Variants in ERICH2 observed in about 807,000 individuals in gnomAD.
The protein encoded by ERICH2 is glutamate-rich protein 2.
ERICH2 carries 17 observed loss-of-function variants against 17.4 expected under a neutral mutation model. That is an observed-to-expected ratio of 0.98 (90% CI 0.67 to 1.47). ERICH2 has a LOEUF of 1.47. Among genes scored for constraint, ERICH2 ranks in the 40% most tolerant of loss-of-function variants. The pLI is 0.00. For synonymous variants in ERICH2, 51 were observed against 61.1 expected (o/e 0.83, Z 0.77); for missense variants, 186 against 183.2 (o/e 1.01, Z -0.09).
chr2:170,775,063 G>A, the ERICH2 span, among the ~76,000 whole-genome samples: 2 of 152,062 alleles, frequency 1.3e-5, no homozygotes, highest in East Asian at 1.9e-4. Flanking sequence ...TTATGTGCAC[G>A]AATGTTTCAT....
At chr2:170,796,625 C>T (rs1030178640) in intron 3 of ERICH2, among the ~76,000 whole-genome samples, 8 of 151,858 alleles carry the variant, frequency 5.3e-5, no homozygotes, top group African/African-American at 1.9e-4. Context: ...TTTGTAGAGA[C>T]AGGGTTTCAG....
chr2:170,774,757 A>C, the ERICH2 span, among the ~76,000 whole-genome samples: 1 of 151,282 alleles, frequency 6.6e-6, no homozygotes, highest in South Asian at 2.1e-4. Flanking sequence ...TGATATTTTT[A>C]GTAGAGACGG....
At chr2:170,770,428 G>C in the ERICH2 span, among the ~76,000 whole-genome samples, 1 of 152,150 alleles carries the variant, frequency 6.6e-6, no homozygotes, top group Non-Finnish European at 1.5e-5. Context: ...TGCTCTAGCT[G>C]GGGGAGAGCC....
upstream of ERICH2, chr2:170,783,301 T>G (rs534771132): frequency 1.0e-4 from 16 of 153,704 alleles, no homozygotes; most frequent in African/African-American, 3.8e-4. Flanking sequence ...ACAAACACTG[T>G]AAACTTAGCA....
At chr2:170,785,141 A>G (rs1701127637) in intron 2 of ERICH2, among the ~76,000 whole-genome samples, 1 of 152,166 alleles carries the variant, frequency 6.6e-6, no homozygotes, top group Middle Eastern at 3.2e-3. Flanking sequence ...TCCCAGCACA[A>G]AGAAAAGATA....
At position 170,784,935 on chromosome 2, in the gene ERICH2, C is replaced by A. The variant is rs188125878; in HGVS notation, c.216+102C>A. 5.8e-5 allele frequency: 55 copies of A among 953,694 alleles called. No individual in the cohort carries two copies. In the African/African-American group the frequency reaches 6.9e-4, roughly 12 times the overall value. 59.1% of individuals were successfully genotyped at this position (953,694 alleles called of 1,614,324 possible). On this transcript the variant is annotated intron_variant, in intron 2 of 4. Transcript: ENST00000409885. ...TACTGTGAGAACTAAAAAAGTAGATCTCATGGAGGCAGAACATAGAATGGT... is the reference window on the plus strand; with the variant it reads ...TACTGTGAGAACTAAAAAAGTAGATATCATGGAGGCAGAACATAGAATGGT...
chr2:170,772,980 A>G, the ERICH2 span, among the ~76,000 whole-genome samples: 1 of 152,362 alleles, frequency 6.6e-6, no homozygotes, highest in Non-Finnish European at 1.5e-5. Flanking sequence ...CTGAATTTTA[A>G]ATGTTGGTAA....
chr2:170,797,902 C>A, intron 3 of ERICH2, 139 bp from the exon 9 acceptor site: 1 of 594,540 alleles, frequency 1.7e-6, no homozygotes, highest in Non-Finnish European at 3.0e-6. Context: ...TCAGATATAC[C>A]TGTGGTATAA....
chr2:170,798,475 C>T (rs534856776), intron 4 of ERICH2, among the ~76,000 whole-genome samples: 1 of 152,064 alleles, frequency 6.6e-6, no homozygotes, highest in South Asian at 2.1e-4. Context: ...TTACTATTGT[C>T]AATAAAATTC....
chr2:170,783,528 G>A (rs551509535), upstream of ERICH2, among the ~76,000 whole-genome samples: 10 of 152,246 alleles, frequency 6.6e-5, no homozygotes, highest in Admixed American at 1.3e-4. Flanking sequence ...CAGCCTGGGC[G>A]ACAGAGTGAG....
chr2:170,798,883 G>A, exon 5 of ERICH2: 1 of 1,550,594 alleles, frequency 6.4e-7, no homozygotes, highest in South Asian at 1.2e-5. Context: ...CGAAGGTGAA[G>A]ATGGATCATG....
intron 1 of ERICH2, 105 bp from the exon 7 acceptor site, chr2:170,784,541 A>AC: frequency 1.8e-6 from 1 of 549,670 alleles, no homozygotes; most frequent in East Asian, 3.1e-5. Context: ...TAATTATGTT[A>AC]CTTTTATTAA....
At chr2:170,780,890 G>C (rs1048827932), upstream of ERICH2, among the ~76,000 whole-genome samples, 1 of 152,118 alleles carries the variant, frequency 6.6e-6, no homozygotes, top group Non-Finnish European at 1.5e-5. Context: ...TTACATAACA[G>C]GAGTCTCACA....
chr2:170,788,041 T>G (rs922077407), intron 2 of ERICH2, among the ~76,000 whole-genome samples: 10 of 152,256 alleles, frequency 6.6e-5, no homozygotes, highest in African/African-American at 2.4e-4. Context: ...TGTACTTCTC[T>G]TCTTAGATAA....
intron 1 of ERICH2, among the ~76,000 whole-genome samples, chr2:170,784,144 C>T (rs1701090995): frequency 6.6e-6 from 1 of 152,126 alleles, no homozygotes; most frequent in South Asian, 2.1e-4. Flanking sequence ...ACTTCCCAGG[C>T]ACTCAAAATC....
At chr2:170,781,053 G>A (rs1181180339), upstream of ERICH2, among the ~76,000 whole-genome samples, 1 of 152,126 alleles carries the variant, frequency 6.6e-6, no homozygotes, top group Non-Finnish European at 1.5e-5. Flanking sequence ...CCAGAGAAGG[G>A]TTTTGCTTTA....
chr2:170,796,209 T>C (rs1701410582), intron 3 of ERICH2, among the ~76,000 whole-genome samples: 2 of 152,196 alleles, frequency 1.3e-5, no homozygotes, highest in Admixed American at 6.5e-5. Flanking sequence ...TATGGGTATG[T>C]ATAATGATAC....
chr2:170,772,593 A>C, the ERICH2 span, among the ~76,000 whole-genome samples: 1 of 152,234 alleles, frequency 6.6e-6, no homozygotes, highest in African/African-American at 2.4e-5. Flanking sequence ...CTGTAAAGGA[A>C]ATATATAAAA....
chr2:170,773,728 A>G, the ERICH2 span, among the ~76,000 whole-genome samples: 11 of 151,982 alleles, frequency 7.2e-5, no homozygotes, highest in African/African-American at 1.9e-4. Context: ...TTGTATTATT[A>G]TTGTCTTTTT....
Sources: allele counts gnomAD v4.1 joint callset (sites outside exome capture counted in the v4.1 genomes callset), GRCh38; gene constraint gnomAD v4.1.1; transcripts MANE v1.5; gene names NCBI Gene and HGNC (gene_info 2026-07-23, HGNC 2026-07-21).